TICRR: variants seen among roughly 807,000 people sequenced by gnomAD.
TICRR encodes treslin.
A neutral mutation model predicts 178.1 loss-of-function variants in TICRR; 132 were observed. The ratio of observed to expected loss-of-function variants is 0.74; its 90% CI spans 0.64 to 0.86. The LOEUF (loss-of-function observed/expected upper bound fraction) is 0.86. TICRR is among the 40% of genes least tolerant of loss of function. TICRR has a pLI of 0.00. For missense variants in TICRR, 2,587 were observed against 2,334.3 expected, an observed-to-expected ratio of 1.11 and a Z score of -2.23; for synonymous variants, 991 against 900.7, an observed-to-expected ratio of 1.10 and a Z score of -1.79.
intron 13 of TICRR, among the ~76,000 whole-genome samples, chr15:89,603,625 T>A (rs915373594): frequency 6.6e-6 from 1 of 152,136 alleles, no homozygotes; most frequent in Non-Finnish European, 1.5e-5. Flanking sequence ...GAATAACAAG[T>A]TTTTTGAAAA....
Position 89,595,529 on chromosome 15 carries a change from A to G in TICRR, c.1818A>G (p.Lys606=), listed in dbSNP as rs545887163. ...GCAGTCCGGATGTGGCTGGGGAGAA[A>G]GGAATCCAAAAGATACCTAGTGGGA... ...PDGSPDVAGE[K]GIQKIPSGRT... is the part of the protein sequence containing the mutation. Residue 606 remains lysine, a synonymous_variant, in exon 7 of 22, where the codon AAA becomes AAG. Transcript: ENST00000268138. 1.2e-5 allele frequency: 20 copies of G among 1,614,258 alleles called. No individual in the cohort carries two copies. Among genetic ancestry groups the G allele is most frequent in the East Asian group, 4.5e-5 (2 of 44,882 alleles).
intron 8 of TICRR, among the ~76,000 whole-genome samples, chr15:89,599,889 C>T (rs764359978): frequency 1.3e-5 from 2 of 152,064 alleles, no homozygotes; most frequent in South Asian, 2.1e-4. Context: ...GGGTGGATCA[C>T]GAGGTCAGGA....
Position 89,626,967 on chromosome 15 carries a change from G to C in TICRR, c.5614G>C (p.Asp1872His). 6.2e-7 allele frequency: 1 copy of C among 1,614,032 alleles called. No homozygotes were observed. The highest frequency in any genetic ancestry group is 8.5e-7 in the Non-Finnish European group (1 of 1,179,958). ...CTACCTTCTTCTAGATGAGGATGTG[G>C]ATGTTCTTCCCTCCACTGTAGAAGA... Reference protein sequence around the residue: ...QSKDPRDEDVDVLPSTVEDSP... With the variant: ...QSKDPRDEDVHVLPSTVEDSP... The change falls in exon 22 of 22, where the codon GAT (aspartate) becomes CAT (histidine). Residue 1872 changes from aspartate to histidine, a missense_variant. Asp to His is a moderately conservative substitution (Grantham distance 81, BLOSUM62 -1). Transcript: ENST00000268138.
In TICRR at chr15:89,625,081, A is replaced by G. The variant is rs774379315; in HGVS notation, c.4771A>G (p.Lys1591Glu). Residue 1591 changes from lysine (K) to glutamate (E), a missense_variant, in exon 20 of 22, where the codon AAG becomes GAG. Lys to Glu is a moderately conservative substitution (Grantham distance 56). Coordinates refer to ENST00000268138, the MANE Select transcript of TICRR (RefSeq NM_152259.4). ...TTCATTAGAGGCTGAGCCCCTCAGC[A>G]AGGAGGAGAGCTCTCTGGGAGAAGA... ...SSSLEAEPLS[K>E]EESSLGEESF... The G allele has an allele frequency of 4.3e-6, 7 of 1,613,982 alleles. No homozygotes were observed. The East Asian group carries it at 6.7e-5, about 15-fold the overall frequency.
At chr15:89,586,520 G>A (rs1962826615) in intron 4 of TICRR, among the ~76,000 whole-genome samples, 3 of 152,078 alleles carry the variant, frequency 2.0e-5, no homozygotes, top group Non-Finnish European at 4.4e-5. Flanking sequence ...ATCTAGTCCA[G>A]GGAGACAAAA....
chr15:89,625,730 C>T lies in TICRR; in HGVS notation c.5420C>T (p.Pro1807Leu), dbSNP rs138704453. The T allele has an allele frequency of 1.2e-6, 2 of 1,613,118 alleles. No homozygotes were observed. Among genetic ancestry groups the T allele is most frequent in the Non-Finnish European group, 1.7e-6 (2 of 1,179,922 alleles). The change falls in exon 20 of 22, where the codon CCA (proline) becomes CTA (leucine). Residue 1807 changes from proline (P) to leucine (L), a missense_variant. Physicochemically the swap from Pro to Leu is moderately conservative, Grantham distance 98. Transcript: ENST00000268138. ...SEVSKSKEGSPSWSAWQLPST... is the reference protein window; with the variant it reads ...SEVSKSKEGSLSWSAWQLPST... ...GTTAGTAAGAGTAAAGAGGGGTCTC[C>T]AAGTTGGAGTGCATGGCAGCTACCC...
At chr15:89,611,294 C>G (rs923140225) in intron 15 of TICRR, among the ~76,000 whole-genome samples, 1 of 151,702 alleles carries the variant, frequency 6.6e-6, no homozygotes, top group African/African-American at 2.4e-5. Flanking sequence ...TTTTTTTTCC[C>G]CCTTCAGGAC....
chr15:89,623,579 G>T, intron 19 of TICRR, 44 bp from the exon 20 acceptor site: 1 of 1,546,418 alleles, frequency 6.5e-7, no homozygotes, highest in South Asian at 1.3e-5. Context: ...CAGAGATCAT[G>T]AGTTATAATA....
At chr15:89,590,263 G>T (rs1355460088) in intron 4 of TICRR, among the ~76,000 whole-genome samples, 1 of 152,144 alleles carries the variant, frequency 6.6e-6, no homozygotes, top group Non-Finnish European at 1.5e-5. Context: ...AGTTATGTTT[G>T]TGCACTTTGA....
At chr15:89,617,196 T>C (rs1211191609) in intron 16 of TICRR, among the ~76,000 whole-genome samples, 3 of 152,214 alleles carry the variant, frequency 2.0e-5, no homozygotes, top group Non-Finnish European at 4.4e-5. Context: ...TCAAGGGTAA[T>C]AGAAGCACAC....
chr15:89,582,518 C>T (rs998947267), intron 1 of TICRR, among the ~76,000 whole-genome samples, 168 bp from the exon 2 acceptor site: 1 of 152,096 alleles, frequency 6.6e-6, no homozygotes, highest in Non-Finnish European at 1.5e-5. Context: ...TGGGGCTGCA[C>T]AGTAGCTTGA....
chr15:89,576,258 C>A lies in TICRR; in HGVS notation c.654+18C>A. 4 of 1,526,378 alleles carry A rather than the reference C, an allele frequency of 2.6e-6. No homozygotes were observed. In the South Asian group the frequency reaches 3.8e-5, roughly 14 times the overall value. The allele number at this position is 1,526,378 out of a possible 1,614,324, so 94.6% of individuals were successfully genotyped here. ...GGTCTAAGGTAAGGAAGGTTACTGT[C>A]GTCTCAGATGGCGTGCACGGTGCTT... On this transcript the variant is annotated intron_variant, in intron 1 of 21. Coordinates refer to ENST00000268138, the MANE Select transcript of TICRR (RefSeq NM_152259.4).
intron 5 of TICRR, among the ~76,000 whole-genome samples, chr15:89,592,676 A>G (rs1962932643): frequency 6.6e-6 from 1 of 152,252 alleles, no homozygotes; most frequent in South Asian, 2.1e-4. Flanking sequence ...AGTGATCAAG[A>G]GAAACAAAAG....
At chr15:89,594,202 T>C (rs1962958484) in intron 5 of TICRR, among the ~76,000 whole-genome samples, 1 of 152,338 alleles carries the variant, frequency 6.6e-6, no homozygotes, top group Non-Finnish European at 1.5e-5. Context: ...GTTAATGGTT[T>C]TGTGAACAAG....
At chr15:89,580,893 G>A (rs1347403262) in intron 1 of TICRR, among the ~76,000 whole-genome samples, 1 of 152,290 alleles carries the variant, frequency 6.6e-6, no homozygotes, top group East Asian at 1.9e-4. Context: ...TTAGCCAGGT[G>A]TGGTGGCACA....
At chr15:89,618,056 T>G (rs748998099) in intron 16 of TICRR, 96 bp from the exon 17 acceptor site, 100 of 1,240,450 alleles carry the variant, frequency 8.1e-5, no homozygotes, top group Non-Finnish European at 1.1e-4. Flanking sequence ...GACCCTGTGA[T>G]CTTTGTGATC....
Position 89,584,268 on chromosome 15 carries a change from A to G in TICRR, c.935-18A>G, listed in dbSNP as rs778525742. On this transcript the variant is annotated intron_variant, in intron 2 of 21. Transcript: ENST00000268138. ...AATTTTAATTTGGCATCCTGGTCTA[A>G]TTAATCTTTATTTCTAGCAGGCAAA... 1 of 1,584,866 alleles carries G rather than the reference A, an allele frequency of 6.3e-7. No individual in the cohort carries two copies. Among genetic ancestry groups the G allele is most frequent in the Non-Finnish European group, 8.6e-7 (1 of 1,167,004 alleles).
chr15:89,626,166 T>C, intron 21 of TICRR, 105 bp downstream of exon 21: 3 of 1,407,084 alleles, frequency 2.1e-6, no homozygotes, highest in South Asian at 1.4e-5. Context: ...GAGTGCCAAG[T>C]GTGGGATAGG....
At chr15:89,601,426 C>G in intron 10 of TICRR, 35 bp downstream of exon 10, 5 of 1,611,428 alleles carry the variant, frequency 3.1e-6, no homozygotes, top group Non-Finnish European at 4.2e-6. Flanking sequence ...GAAATACGCC[C>G]TAGATGCTTT....
Sources: allele counts gnomAD v4.1 joint callset (sites outside exome capture counted in the v4.1 genomes callset), GRCh38; gene constraint gnomAD v4.1.1; transcripts MANE v1.5; gene names NCBI Gene and HGNC (gene_info 2026-07-23, HGNC 2026-07-21).